Variants in DIAPH1 observed in about 807,000 individuals in gnomAD.
DIAPH1 encodes diaphanous related formin 1.
In DIAPH1, 46 loss-of-function variants were observed where a neutral mutation model predicts 140.7. The ratio of observed to expected loss-of-function variants is 0.33; its 90% CI spans 0.26 to 0.42. DIAPH1 has a LOEUF of 0.42. Among genes scored for constraint, DIAPH1 ranks in the 10% least tolerant of loss-of-function variants. DIAPH1 has a pLI of 1.00. For synonymous variants in DIAPH1, 565 were observed against 551.6 expected (o/e 1.02, Z -0.34); for missense variants, 1,310 against 1,558.7 (o/e 0.84, Z 2.69).
Position 141,527,699 on chromosome 5 carries a change from TAAAAAAAAAAAAA to T in DIAPH1, c.3149-15_3149-3del. 8.8e-6 allele frequency: 10 copies of T among 1,130,080 alleles called. No individual in the cohort carries two copies. The highest frequency in any genetic ancestry group is 3.6e-5 in the East Asian group (1 of 27,440). 70.0% of individuals were successfully genotyped at this position (1,130,080 alleles called of 1,614,324 possible). A position where few individuals can be genotyped will look rare whatever the true frequency, so the allele number is the denominator to read the frequency against. On this transcript the variant is annotated splice_polypyrimidine_tract_variant and splice_region_variant and intron_variant, in intron 23 of 27. Transcript: ENST00000389054. ...TCTTTTGCAAGTTTTCAGCAGAAACTAAAAAAAAAAAAAAAAAAAAAAACCATAAAAACAGACA... is the reference window on the plus strand; with the variant it reads ...TCTTTTGCAAGTTTTCAGCAGAAACTAAAAAAAAAACCATAAAAACAGACA...
chr5:141,591,450 T>C (rs1194121874), intron 1 of DIAPH1, among the ~76,000 whole-genome samples: 2 of 151,506 alleles, frequency 1.3e-5, no homozygotes, highest in African/African-American at 4.9e-5. Context: ...CCCTAAAATA[T>C]CAATCCCTGG....
intron 1 of DIAPH1, among the ~76,000 whole-genome samples, chr5:141,606,085 A>C (rs561774540): frequency 2.4e-4 from 37 of 152,312 alleles, no homozygotes; most frequent in African/African-American, 8.9e-4. Context: ...AGAATAGTCC[A>C]AAACTATTTT....
In DIAPH1 at chr5:141,587,046, A is replaced by G; in HGVS notation, c.296T>C (p.Met99Thr). The change falls in exon 3 of 28, where the codon ATG (methionine) becomes ACG (threonine). Residue 99 changes from methionine to threonine, a missense_variant. By Grantham distance (81) the Met-to-Thr change is moderately conservative. This residue lies in a region of DIAPH1 where 377 missense variants were observed against 497.1 expected (regional missense o/e 0.76). Transcript: ENST00000389054. ...TTTTGGGAATGGGAAACTTACCAGC[A>G]TCTGTTCAAAGAGAACCAGCACTTG... Reference protein sequence around the residue: ...DEQVLVLFEQMLLDMNLNEEK... With the variant: ...DEQVLVLFEQTLLDMNLNEEK... 1 of 1,614,174 alleles carries G rather than the reference A, an allele frequency of 6.2e-7. No individual in the cohort carries two copies. Among genetic ancestry groups the G allele is most frequent in the Non-Finnish European group, 8.5e-7 (1 of 1,180,006 alleles).
intron 18 of DIAPH1, 110 bp from the exon 19 acceptor site, chr5:141,534,543 T>C: frequency 4.8e-6 from 4 of 828,038 alleles, no homozygotes; most frequent in Non-Finnish European, 8.2e-6. Context: ...TCTATTATAA[T>C]GGTCTATTGT....
intron 3 of DIAPH1, among the ~76,000 whole-genome samples, chr5:141,586,790 A>G (rs1232712189): frequency 6.6e-6 from 1 of 152,194 alleles, no homozygotes; most frequent in Non-Finnish European, 1.5e-5. Flanking sequence ...CTTTGTGGCT[A>G]AAGTGTTGCT....
intron 26 of DIAPH1, 117 bp from the exon 27 acceptor site, chr5:141,524,346 G>A: frequency 1.0e-6 from 1 of 962,068 alleles, no homozygotes; most frequent in Non-Finnish European, 1.7e-6. Flanking sequence ...ACAGCAGCTG[G>A]CAGCTAAGAA....
intron 13 of DIAPH1, among the ~76,000 whole-genome samples, chr5:141,576,522 A>G (rs1207716105): frequency 6.6e-6 from 1 of 151,978 alleles, no homozygotes; most frequent in Non-Finnish European, 1.5e-5. Context: ...GATATTTTTG[A>G]CTCTCTGAGA....
intron 7 of DIAPH1, among the ~76,000 whole-genome samples, chr5:141,581,308 G>A (rs910921635): frequency 7.9e-5 from 12 of 152,110 alleles, no homozygotes; most frequent in Non-Finnish European, 1.3e-4. Flanking sequence ...AACCAACCGT[G>A]CTGGTACCTT....
chr5:141,527,698 C>CAAAAAAAAAAAA lies in DIAPH1; in HGVS notation c.3149-2_3149-1insTTTTTTTTTTTT. The CAAAAAAAAAAAA allele has an allele frequency of 2.7e-6, 1 of 371,288 alleles. No homozygotes were observed. Among genetic ancestry groups the CAAAAAAAAAAAA allele is most frequent in the Non-Finnish European group, 3.6e-6 (1 of 274,534 alleles). 23.0% of individuals were successfully genotyped at this position (371,288 alleles called of 1,614,324 possible). ...TTCTTTTGCAAGTTTTCAGCAGAAA[C>CAAAAAAAAAAAA]TAAAAAAAAAAAAAAAAAAAAAAAC... On this transcript the variant is annotated splice_acceptor_variant, in intron 23 of 27. Transcript: ENST00000389054. LOFTEE classifies it high-confidence loss of function.
intron 18 of DIAPH1, among the ~76,000 whole-genome samples, chr5:141,567,807 C>T (rs1026879094): frequency 6.6e-6 from 1 of 152,204 alleles, no homozygotes; most frequent in Admixed American, 6.5e-5. Context: ...TATGTCAGGG[C>T]AGCAGACAGG....
chr5:141,575,201 C>G, intron 14 of DIAPH1, 55 bp from the exon 15 acceptor site: 1 of 1,572,196 alleles, frequency 6.4e-7, no homozygotes, highest in South Asian at 1.1e-5. Context: ...GTAAGAAGCA[C>G]AAGTATTATT....
At chr5:141,580,559 G>T (rs2099896599) in intron 8 of DIAPH1, among the ~76,000 whole-genome samples, 185 bp downstream of exon 8, 1 of 152,114 alleles carries the variant, frequency 6.6e-6, no homozygotes, top group South Asian at 2.1e-4. Context: ...GAACATTCAG[G>T]ATAGCACCCA....
At chr5:141,534,309 A>T in intron 19 of DIAPH1, 26 bp downstream of exon 19, 1 of 1,530,738 alleles carries the variant, frequency 6.5e-7, no homozygotes. Flanking sequence ...TCACATTTTG[A>T]ATAGTTGGGA....
At chr5:141,585,065 C>T (rs1329904514) in intron 3 of DIAPH1, among the ~76,000 whole-genome samples, 1 of 152,088 alleles carries the variant, frequency 6.6e-6, no homozygotes, top group African/African-American at 2.4e-5. Context: ...AGTGATTCTC[C>T]TGCCTCAGCC....
At chr5:141,521,602 G>A (rs978300941) in intron 27 of DIAPH1, among the ~76,000 whole-genome samples, 1 of 152,144 alleles carries the variant, frequency 6.6e-6, no homozygotes, top group African/African-American at 2.4e-5. Context: ...AAATTCTAGG[G>A]AAAAAGCTAG....
At chr5:141,556,614 G>A (rs1293803800) in intron 18 of DIAPH1, among the ~76,000 whole-genome samples, 2 of 152,238 alleles carry the variant, frequency 1.3e-5, no homozygotes, top group Non-Finnish European at 2.9e-5. Flanking sequence ...TCCTAAAGAA[G>A]AGGCTCTGCT....
At chr5:141,524,342 G>A in intron 26 of DIAPH1, 113 bp from the exon 27 acceptor site, 1 of 987,428 alleles carries the variant, frequency 1.0e-6, no homozygotes, top group Non-Finnish European at 1.6e-6. Context: ...TCCCACAGCA[G>A]CTGGCAGCTA....
intron 15 of DIAPH1, 108 bp from the exon 16 acceptor site, chr5:141,574,316 G>A: frequency 9.4e-7 from 1 of 1,068,064 alleles, no homozygotes; most frequent in African/African-American, 1.5e-5. Context: ...GTTACAAATG[G>A]AGGAACTGAG....
chr5:141,515,414 G>A lies in DIAPH1; in HGVS notation c.*1437C>T, dbSNP rs981378787. 10 of 152,164 alleles carry A rather than the reference G, an allele frequency of 6.6e-5. No individual in the cohort carries two copies. Among genetic ancestry groups the A allele is most frequent in the Admixed American group, 2.0e-4 (3 of 15,282 alleles). 9.4% of individuals were successfully genotyped at this position (152,164 alleles called of 1,614,324 possible). ...TCTTGCTCTAATAACTCTAATTCTG[G>A]GCCAAGCCCAAGAGTGCCATTCTTT... On this transcript the variant is annotated 3_prime_UTR_variant, in exon 28 of 28. Transcript: ENST00000389054.
Sources: gnomAD v4.1 joint callset for allele counts (sites outside exome capture counted in the v4.1 genomes callset) on GRCh38, gnomAD v4.1.1 for gene constraint, gnomAD v4.1.1 regional missense constraint, MANE v1.5 for transcripts, NCBI Gene and HGNC (gene_info 2026-07-23, HGNC 2026-07-21) for gene names.